Variants in FRMD4A observed in about 807,000 individuals in gnomAD.
FRMD4A encodes the protein FERM domain containing 4A.
In FRMD4A, 29 loss-of-function variants were observed where a neutral mutation model predicts 129.1. The ratio of observed to expected loss-of-function variants is 0.22; its 90% CI spans 0.17 to 0.31. The LOEUF (loss-of-function observed/expected upper bound fraction) is 0.31. Ranked by LOEUF, FRMD4A falls within the 10% of genes least tolerant of loss-of-function variation. The pLI is 1.00. For synonymous variants in FRMD4A, 634 were observed against 571.6 expected, an observed-to-expected ratio of 1.11 and a Z score of -1.56; for missense variants, 1,272 against 1,375.8, an observed-to-expected ratio of 0.92 and a Z score of 1.19.
chr10:14,049,064 A>G (rs981704200), intron 2 of FRMD4A, among the ~76,000 whole-genome samples: 3 of 152,196 alleles, frequency 2.0e-5, no homozygotes, highest in African/African-American at 7.2e-5. Flanking sequence ...TTGGAGAATC[A>G]TGTAATAAGA....
intron 2 of FRMD4A, among the ~76,000 whole-genome samples, chr10:14,301,182 G>T (rs1339174075): frequency 6.6e-6 from 1 of 152,138 alleles, no homozygotes; most frequent in Non-Finnish European, 1.5e-5. Flanking sequence ...GAGGGCAATG[G>T]GACTCTCATA....
At chr10:14,175,645 C>T (rs1178631258) in intron 2 of FRMD4A, among the ~76,000 whole-genome samples, 1 of 151,848 alleles carries the variant, frequency 6.6e-6, no homozygotes, top group Non-Finnish European at 1.5e-5. Flanking sequence ...CTGCCTCAGC[C>T]TCCTGAATAT....
intron 2 of FRMD4A, among the ~76,000 whole-genome samples, chr10:14,307,389 T>C (rs1351248392): frequency 6.6e-6 from 1 of 152,214 alleles, no homozygotes; most frequent in Non-Finnish European, 1.5e-5. Flanking sequence ...GATGAGCGCA[T>C]GACAGATCTT....
intron 2 of FRMD4A, among the ~76,000 whole-genome samples, chr10:14,176,394 C>T (rs1841727317): frequency 6.6e-6 from 1 of 151,970 alleles, no homozygotes; most frequent in Non-Finnish European, 1.5e-5. Context: ...AACTGTACAC[C>T]CATGATCAAC....
chr10:13,719,519 GC>G (rs1036163381), intron 12 of FRMD4A, among the ~76,000 whole-genome samples: 4 of 152,152 alleles, frequency 2.6e-5, no homozygotes, highest in Admixed American at 2.0e-4. Context: ...CCGATTCACA[GC>G]CCAAGGCGGG....
chr10:14,042,232 T>C (rs1833806907), intron 2 of FRMD4A, among the ~76,000 whole-genome samples: 1 of 152,246 alleles, frequency 6.6e-6, no homozygotes, highest in Non-Finnish European at 1.5e-5. Flanking sequence ...CATTAGGTCA[T>C]AGCCTGTTCC....
chr10:14,220,809 TGTTTG>T (rs777527909), intron 2 of FRMD4A, among the ~76,000 whole-genome samples: 399 of 108,924 alleles, frequency 3.7e-3, no homozygotes, highest in African/African-American at 7.5e-3. Flanking sequence ...TGTGTGTGTG[TGTTTG>T]TGTGTGTGTG....
chr10:14,217,199 T>C (rs1843102362), intron 2 of FRMD4A, among the ~76,000 whole-genome samples: 1 of 152,214 alleles, frequency 6.6e-6, no homozygotes, highest in African/African-American at 2.4e-5. Context: ...TCAAATAAAA[T>C]TGTCCCAAAC....
intron 2 of FRMD4A, among the ~76,000 whole-genome samples, chr10:14,221,453 A>T (rs1408851703): frequency 6.6e-6 from 1 of 152,210 alleles, no homozygotes; most frequent in Non-Finnish European, 1.5e-5. Flanking sequence ...GTTAGGGCCA[A>T]CCCTGAATGG....
chr10:13,887,555 TG>T (rs768921069), intron 2 of FRMD4A, among the ~76,000 whole-genome samples: 3 of 152,164 alleles, frequency 2.0e-5, no homozygotes, highest in Non-Finnish European at 4.4e-5. Flanking sequence ...GGCACGTGCC[TG>T]TATTCCCAGC....
At chr10:13,662,403 A>G (rs1469474371) in intron 19 of FRMD4A, among the ~76,000 whole-genome samples, 2 of 152,138 alleles carry the variant, frequency 1.3e-5, no homozygotes, top group South Asian at 2.1e-4. Flanking sequence ...CATGCTTTCC[A>G]TCTGAACAGC....
chr10:13,965,789 G>C (rs1221268843), intron 2 of FRMD4A, among the ~76,000 whole-genome samples: 1 of 152,210 alleles, frequency 6.6e-6, no homozygotes, highest in African/African-American at 2.4e-5. Flanking sequence ...GACAGACTTA[G>C]CTTTCTCTTC....
At chr10:13,916,076 G>A (rs1045841691) in intron 2 of FRMD4A, among the ~76,000 whole-genome samples, 2 of 152,228 alleles carry the variant, frequency 1.3e-5, no homozygotes, top group Non-Finnish European at 2.9e-5. Context: ...ACTGACGGCA[G>A]GTCAACTGGA....
chr10:14,257,213 C>T (rs1844646717), intron 2 of FRMD4A, among the ~76,000 whole-genome samples: 1 of 152,166 alleles, frequency 6.6e-6, no homozygotes, highest in Non-Finnish European at 1.5e-5. Context: ...TGCCCATAAT[C>T]CCAGCTAACC....
chr10:14,264,885 G>A (rs1266890821), intron 2 of FRMD4A, among the ~76,000 whole-genome samples: 3 of 152,064 alleles, frequency 2.0e-5, no homozygotes, highest in South Asian at 2.1e-4. Context: ...GGGTTCCAGC[G>A]ACTCTCCTGC....
At chr10:14,037,816 A>G (rs1377947626) in intron 2 of FRMD4A, among the ~76,000 whole-genome samples, 1 of 152,210 alleles carries the variant, frequency 6.6e-6, no homozygotes, top group Admixed American at 6.5e-5. Context: ...TGGGTAAAAA[A>G]TGGCATCTCA....
At chr10:13,680,504 G>T (rs2084458895) in intron 15 of FRMD4A, among the ~76,000 whole-genome samples, 1 of 151,898 alleles carries the variant, frequency 6.6e-6, no homozygotes, top group Non-Finnish European at 1.5e-5. Context: ...GAGGTGGGCA[G>T]ATCAGGAGGT....
At chr10:13,647,743 T>C (rs1365107516) in intron 24 of FRMD4A, 2 of 152,094 alleles carry the variant, frequency 1.3e-5, no homozygotes, top group South Asian at 2.1e-4. Context: ...TTTTTTTTTT[T>C]TTTTTAAGTA....
intron 20 of FRMD4A, 73 bp from the exon 21 acceptor site, chr10:13,659,563 G>A: frequency 6.9e-7 from 1 of 1,440,098 alleles, no homozygotes; most frequent in Non-Finnish European, 9.5e-7. Flanking sequence ...GCTAGTTCAG[G>A]ACAATGATCC....
Sources: gnomAD v4.1 joint callset for allele counts (sites outside exome capture counted in the v4.1 genomes callset) on GRCh38, gnomAD v4.1.1 for gene constraint, MANE v1.5 for transcripts, NCBI Gene and HGNC (gene_info 2026-07-23, HGNC 2026-07-21) for gene names.